ATXN1: variants seen among roughly 807,000 people sequenced by gnomAD.
The protein encoded by ATXN1 is ataxin-1.
A neutral mutation model predicts 56.4 loss-of-function variants in ATXN1; 8 were observed. The observed-to-expected ratio is 0.14, with a 90% CI of 0.08 to 0.26. ATXN1 has a LOEUF of 0.26. Ranked by LOEUF, ATXN1 falls within the 10% of genes least tolerant of loss-of-function variation. ATXN1 has a pLI of 1.00. For missense variants in ATXN1, 987 were observed against 1,106.5 expected, an observed-to-expected ratio of 0.89 and a Z score of 1.53; for synonymous variants, 514 against 494.6, an observed-to-expected ratio of 1.04 and a Z score of -0.52.
At chr6:16,706,755 G>C (rs1213450142) in intron 2 of ATXN1, among the ~76,000 whole-genome samples, 1 of 149,420 alleles carries the variant, frequency 6.7e-6, no homozygotes, top group African/African-American at 2.5e-5. Flanking sequence ...GAAAGAAAGA[G>C]GACCCTGAGA....
intron 4 of ATXN1, among the ~76,000 whole-genome samples, chr6:16,535,573 A>G (rs1760032743): frequency 6.6e-6 from 1 of 152,258 alleles, no homozygotes; most frequent in African/African-American, 2.4e-5. Flanking sequence ...ATTGATATAA[A>G]TAAATTTTAA....
At chr6:16,636,054 C>T (rs764356106) in intron 3 of ATXN1, among the ~76,000 whole-genome samples, 1 of 152,138 alleles carries the variant, frequency 6.6e-6, no homozygotes, top group Non-Finnish European at 1.5e-5. Context: ...GAATTGACAC[C>T]ACGGGCACTT....
chr6:16,491,377 C>CA (rs1359843677), intron 5 of ATXN1, among the ~76,000 whole-genome samples: 1 of 151,104 alleles, frequency 6.6e-6, no homozygotes, highest in Non-Finnish European at 1.5e-5. Context: ...CTCTGCCTCC[C>CA]AGGTTCAAGC....
chr6:16,751,215 CA>C (rs1310771057), intron 2 of ATXN1, among the ~76,000 whole-genome samples: 1 of 152,110 alleles, frequency 6.6e-6, no homozygotes, highest in East Asian at 1.9e-4. Flanking sequence ...GTGATTCACC[CA>C]CCTCAGCCTC....
chr6:16,461,689 T>G (rs919352160), intron 6 of ATXN1, among the ~76,000 whole-genome samples: 2 of 152,204 alleles, frequency 1.3e-5, no homozygotes, highest in African/African-American at 2.4e-5. Context: ...TTCCCAGATT[T>G]GGGCTTCCCC....
At chr6:16,472,423 T>A (rs1373736426) in intron 6 of ATXN1, among the ~76,000 whole-genome samples, 2 of 152,218 alleles carry the variant, frequency 1.3e-5, no homozygotes, top group Non-Finnish European at 2.9e-5. Context: ...CAGACCAGAT[T>A]GAACACAGCA....
chr6:16,400,951 A>G (rs1273142281), intron 6 of ATXN1, among the ~76,000 whole-genome samples: 2 of 151,960 alleles, frequency 1.3e-5, no homozygotes, highest in East Asian at 1.9e-4. Context: ...TAGTAAATGT[A>G]CCATAATATT....
At chr6:16,611,774 CAG>C (rs1216434566) in intron 3 of ATXN1, among the ~76,000 whole-genome samples, 1 of 149,442 alleles carries the variant, frequency 6.7e-6, no homozygotes, top group Non-Finnish European at 1.5e-5. Flanking sequence ...GAAAATAAAA[CAG>C]AGATTGAGAG....
chr6:16,654,601 A>T (rs1249202555), intron 3 of ATXN1, among the ~76,000 whole-genome samples: 2 of 150,490 alleles, frequency 1.3e-5, no homozygotes, highest in East Asian at 4.0e-4. Context: ...TGAAGTCCTG[A>T]GGATTCAGGG....
At chr6:16,703,557 A>C (rs1759337322) in intron 2 of ATXN1, among the ~76,000 whole-genome samples, 1 of 152,202 alleles carries the variant, frequency 6.6e-6, no homozygotes. Context: ...GTTTGAACAA[A>C]ATCATGTAAA....
intron 2 of ATXN1, among the ~76,000 whole-genome samples, chr6:16,703,911 C>A (rs570587998): frequency 6.6e-6 from 1 of 152,148 alleles, no homozygotes; most frequent in Non-Finnish European, 1.5e-5. Context: ...CCCAGCTACC[C>A]GGGAGCCTGA....
At chr6:16,363,842 T>G (rs1761863225) in intron 6 of ATXN1, among the ~76,000 whole-genome samples, 1 of 152,216 alleles carries the variant, frequency 6.6e-6, no homozygotes, top group African/African-American at 2.4e-5. Flanking sequence ...TCAGTCAGTC[T>G]GCTGAGATGG....
intron 2 of ATXN1, among the ~76,000 whole-genome samples, chr6:16,752,043 C>T (rs943924353): frequency 3.3e-5 from 5 of 152,138 alleles, no homozygotes; most frequent in Admixed American, 2.0e-4. Context: ...GGGTTGATTA[C>T]GGAGCTCCAT....
intron 6 of ATXN1, among the ~76,000 whole-genome samples, chr6:16,395,289 A>AC (rs1758431608): frequency 6.7e-6 from 1 of 150,184 alleles, no homozygotes; most frequent in African/African-American, 2.5e-5. Flanking sequence ...AAAAAAAAAA[A>AC]AACAAGAACA....
At chr6:16,601,770 G>C (rs755248136) in intron 3 of ATXN1, among the ~76,000 whole-genome samples, 1 of 152,082 alleles carries the variant, frequency 6.6e-6, no homozygotes, top group Non-Finnish European at 1.5e-5. Flanking sequence ...GGAAAATGGC[G>C]TGAACCCAGG....
At chr6:16,673,020 C>CAAAAAAAAAAAAAAAA (rs559212594) in intron 2 of ATXN1, among the ~76,000 whole-genome samples, 1 of 105,566 alleles carries the variant, frequency 9.5e-6, no homozygotes, top group East Asian at 2.5e-4. Context: ...TCCCCCCCGC[C>CAAAAAAAAAAAAAAAA]AAAAAAAAAA....
intron 6 of ATXN1, among the ~76,000 whole-genome samples, chr6:16,395,931 C>T (rs1758447584): frequency 1.4e-5 from 2 of 143,106 alleles, no homozygotes; most frequent in Admixed American, 1.5e-4. Context: ...AGAAGAATCA[C>T]TTGAACCAGG....
chr6:16,597,678 G>C (rs890275380), intron 3 of ATXN1, among the ~76,000 whole-genome samples: 4 of 151,906 alleles, frequency 2.6e-5, no homozygotes, highest in African/African-American at 9.7e-5. Context: ...GACCTCAGGT[G>C]ATCCACCCGC....
At chr6:16,485,614 T>TA (rs1336885592) in intron 6 of ATXN1, 1 of 152,098 alleles carries the variant, frequency 6.6e-6, no homozygotes, top group African/African-American at 2.4e-5. Context: ...CTCACCAACC[T>TA]AAAAGAACTG....
Sources: allele counts gnomAD v4.1 joint callset (sites outside exome capture counted in the v4.1 genomes callset), GRCh38; gene constraint gnomAD v4.1.1; transcripts MANE v1.5; gene names NCBI Gene and HGNC (gene_info 2026-07-23, HGNC 2026-07-21).